Variants in ZSCAN22 observed in about 807,000 individuals in gnomAD.
The protein encoded by ZSCAN22 is zinc finger and SCAN domain-containing protein 22.
In ZSCAN22, 7 loss-of-function variants were observed where a neutral mutation model predicts 12.4. That is an observed-to-expected ratio of 0.57 (90% confidence interval 0.32 to 1.06). The LOEUF (loss-of-function observed/expected upper bound fraction) is 1.06, where lower values mean the gene tolerates loss of function less well. ZSCAN22 is among the 50% of genes least tolerant of loss of function. The probability of loss-of-function intolerance (pLI) is 0.04; values close to 1 mark genes in which losing one functional copy is unlikely to be tolerated. For synonymous variants in ZSCAN22, 243 were observed against 255.9 expected, an observed-to-expected ratio of 0.95 and a Z score of 0.48; for missense variants, 576 against 631.7, an observed-to-expected ratio of 0.91 and a Z score of 0.94.
chr19:58,336,879 G>C (rs4801263), intron 2 of ZSCAN22, among the ~76,000 whole-genome samples: 1 of 152,182 alleles, frequency 6.6e-6, no homozygotes, highest in South Asian at 2.1e-4. Context: ...ATGAGGGCAG[G>C]ACTGATTAAG....
At position 58,335,043 on chromosome 19, in the gene ZSCAN22, G is replaced by A. The variant is rs375810984; in HGVS notation, c.241G>A (p.Glu81Lys). Reference protein sequence around the residue: ...RALCCQWLQPEAHSKEQILEL... With the variant: ...RALCCQWLQPKAHSKEQILEL... ...GCTGTGCTGTCAGTGGCTGCAGCCC[G>A]AGGCGCACTCCAAGGAGCAGATACT... is the stretch of plus-strand genomic sequence containing the variant. Residue 81 changes from glutamate to lysine, a missense_variant, in exon 2 of 3, where the codon GAG becomes AAG. By Grantham distance (56) the Glu-to-Lys change is moderately conservative (BLOSUM62 1). Transcript: ENST00000329665. This position sits in a 1 kb window ranked among gnomAD's most constrained non-coding sequence, Gnocchi z 4.1. 7 of 1,614,048 alleles carry A rather than the reference G, an allele frequency of 4.3e-6. No homozygotes were observed. The African/African-American group carries it at 5.3e-5, about 12-fold the overall frequency.
In ZSCAN22 at chr19:58,339,454, T is replaced by C; in HGVS notation, c.*128T>C. The C allele has an allele frequency of 2.3e-6, 2 of 886,674 alleles. No homozygotes were observed. The highest frequency in any genetic ancestry group is 3.3e-6 in the Non-Finnish European group (2 of 597,374). 54.9% of individuals were successfully genotyped at this position (886,674 alleles called of 1,614,324 possible). ...ATGAGTTGTCAAAATGATAGGTGCC[T>C]GAGGGCAGACTCGGGCTGTCTAGGA... On this transcript the variant is annotated 3_prime_UTR_variant, in exon 3 of 3. Transcript: ENST00000329665. The surrounding 1 kb of genome is among the most constrained non-coding windows in gnomAD (Gnocchi z 5.6).
In ZSCAN22 at chr19:58,339,341, TGGG is replaced by T. The variant is rs959876122; in HGVS notation, c.*18_*20del. 5.1e-5 allele frequency: 80 copies of T among 1,576,278 alleles called. 1 individual carries two copies. The Admixed American group carries it at 1.1e-3, about 22-fold the overall frequency. Reference sequence around the variant, plus strand: ...TGCTGCAATGACCGGAAGTCGCCCCTGGGGGCGTAGCACAGCGTCTTCTCGGAG... The same window carrying T: ...TGCTGCAATGACCGGAAGTCGCCCCTGGCGTAGCACAGCGTCTTCTCGGAG... On this transcript the variant is annotated 3_prime_UTR_variant, in exon 3 of 3. Coordinates refer to ENST00000329665, the MANE Select transcript of ZSCAN22 (RefSeq NM_181846.3). The surrounding 1 kb of genome is among the most constrained non-coding windows in gnomAD (Gnocchi z 5.6).
Position 58,329,152 on chromosome 19 carries a change from AACTTT to A in ZSCAN22, c.-52+2041_-52+2045del, listed in dbSNP as rs571440906. ...AGAAAGGCCACAAGAGACCCAGGAG[AACTTT>A]ACAGTGCGGCGAAGGGGCTTAAACG... On this transcript the variant is annotated intron_variant, in intron 1 of 2. Coordinates refer to ENST00000329665, the MANE Select transcript of ZSCAN22 (RefSeq NM_181846.3). The surrounding 1 kb of genome is among the most constrained non-coding windows in gnomAD (Gnocchi z 4.1). Among the ~76,000 whole-genome samples the A allele has an allele frequency of 2.4e-4, 37 of 152,154 alleles. No homozygotes were observed. Among genetic ancestry groups the A allele is most frequent in the Non-Finnish European group, 4.7e-4 (32 of 68,028 alleles).
intron 2 of ZSCAN22, among the ~76,000 whole-genome samples, chr19:58,336,204 G>A (rs531090616): frequency 6.6e-6 from 1 of 152,326 alleles, no homozygotes; most frequent in African/African-American, 2.4e-5. Flanking sequence ...TAGTGGTGTT[G>A]CGAGATACAA....
Position 58,335,353 on chromosome 19 carries a change from G to A in ZSCAN22, c.403+148G>A. On this transcript the variant is annotated intron_variant, in intron 2 of 2. Coordinates refer to ENST00000329665, the MANE Select transcript of ZSCAN22 (RefSeq NM_181846.3). The surrounding 1 kb of genome is among the most constrained non-coding windows in gnomAD (Gnocchi z 4.1). ...TAACTCTCACACACTGTTGTAGACA[G>A]GTGTGTTTTGGTTGCAGGTGACCAA... 1.7e-6 allele frequency: 2 copies of A among 1,144,626 alleles called. No individual in the cohort carries two copies. Among genetic ancestry groups the A allele is most frequent in the Non-Finnish European group, 1.2e-6 (1 of 842,370 alleles). The allele number at this position is 1,144,626 out of a possible 1,614,324, so 70.9% of individuals were successfully genotyped here. A position where few individuals can be genotyped will look rare whatever the true frequency, so the allele number is the denominator to read the frequency against.
In ZSCAN22 at chr19:58,338,282, G is replaced by T. The variant is rs780410945; in HGVS notation, c.432G>T (p.Glu144Asp). The stretch of plus-strand genomic sequence containing the variant: ...GGGATCCAGGAGCCGAGCCCACAGA[G>T]GCAAGCTGCAAGCAGAGTGACCTGG... ...RGWDPGAEPT[E>D]ASCKQSDLGE... is the part of the protein sequence containing the mutation. Residue 144 changes from glutamate (E) to aspartate (D), a missense_variant, in exon 3 of 3, where the codon GAG becomes GAT. Coordinates refer to ENST00000329665, the MANE Select transcript of ZSCAN22 (RefSeq NM_181846.3). This position sits in a 1 kb window ranked among gnomAD's most constrained non-coding sequence, Gnocchi z 5.4. 1.9e-6 allele frequency: 3 copies of T among 1,604,898 alleles called. No individual in the cohort carries two copies. In the South Asian group the frequency reaches 3.3e-5, roughly 18 times the overall value.
chr19:58,332,068 T>G (rs10422004), intron 1 of ZSCAN22, among the ~76,000 whole-genome samples: 2,541 of 151,560 alleles, frequency 0.017, 60 homozygotes, highest in African/African-American at 0.059. Context: ...AGATGGGGTT[T>G]CTCCATATTG....
Position 58,338,699 on chromosome 19 carries a change from C to T in ZSCAN22, c.849C>T (p.Leu283=), listed in dbSNP as rs368284797. ...AGATGTTCCAGAGTGCTTCGGCGCT[C>T]GAGGCACACCAGAAGACCCATTCTC... is the stretch of plus-strand genomic sequence containing the variant. ...CRKMFQSASA[L]EAHQKTHSRK... is the part of the protein sequence containing the mutation. Residue 283 remains leucine (L), a synonymous_variant, in exon 3 of 3, where the codon CTC becomes CTT. Coordinates refer to ENST00000329665, the MANE Select transcript of ZSCAN22 (RefSeq NM_181846.3). This position sits in a 1 kb window ranked among gnomAD's most constrained non-coding sequence, Gnocchi z 5.4. 9 of 1,614,046 alleles carry T rather than the reference C, an allele frequency of 5.6e-6. No homozygotes were observed. Among genetic ancestry groups the T allele is most frequent in the African/African-American group, 4.0e-5 (3 of 74,916 alleles).
In ZSCAN22 at chr19:58,335,733, G is replaced by A. The variant is rs2051789307; in HGVS notation, c.403+528G>A. Among the ~76,000 whole-genome samples, 1 of 152,246 alleles carries A rather than the reference G, an allele frequency of 6.6e-6. No homozygotes were observed. ...GGCTGTTTCTCAGAGGAAACCAGAC[G>A]AGGGCCTGGGTGCCTGGGGTGGCTG... On this transcript the variant is annotated intron_variant, in intron 2 of 2. Transcript: ENST00000329665. The surrounding 1 kb of genome is among the most constrained non-coding windows in gnomAD (Gnocchi z 4.1).
intron 1 of ZSCAN22, among the ~76,000 whole-genome samples, chr19:58,331,304 C>T (rs2051721154): frequency 6.6e-6 from 1 of 150,954 alleles, no homozygotes; most frequent in African/African-American, 2.4e-5. Flanking sequence ...GCAACCTCCA[C>T]CTCCCGGGTT....
At chr19:58,336,717 C>T (rs2051801866) in intron 2 of ZSCAN22, among the ~76,000 whole-genome samples, 1 of 152,202 alleles carries the variant, frequency 6.6e-6, no homozygotes, top group African/African-American at 2.4e-5. Context: ...AGCAGTACCT[C>T]CTTCTGAGAG....
rs1011999237 is a variant in ZSCAN22 at position 58,335,394 on chromosome 19, G to A, written c.403+189G>A. Among the ~76,000 whole-genome samples, 1 of 152,170 alleles carries A rather than the reference G, an allele frequency of 6.6e-6. No homozygotes were observed. The highest frequency in any genetic ancestry group is 2.4e-5 in the African/African-American group (1 of 41,430). On this transcript the variant is annotated intron_variant, in intron 2 of 2. Coordinates refer to ENST00000329665, the MANE Select transcript of ZSCAN22 (RefSeq NM_181846.3). This position sits in a 1 kb window ranked among gnomAD's most constrained non-coding sequence, Gnocchi z 4.1. ...AGGTGACCAAAAGCGAGCTGAAATGGGCTGAAGCAAAGAAGGGTAAGGAGG... is the reference window on the plus strand; with the variant it reads ...AGGTGACCAAAAGCGAGCTGAAATGAGCTGAAGCAAAGAAGGGTAAGGAGG...
rs2051849735 is a variant in ZSCAN22, at chr19:58,339,806, T to G, written c.*480T>G. The G allele has an allele frequency of 6.4e-6, 1 of 156,870 alleles. No individual in the cohort carries two copies. The highest frequency in any genetic ancestry group is 2.4e-5 in the African/African-American group (1 of 41,486). The allele number at this position is 156,870 out of a possible 1,614,324, so 9.7% of individuals were successfully genotyped here. On this transcript the variant is annotated 3_prime_UTR_variant, in exon 3 of 3. Coordinates refer to ENST00000329665, the MANE Select transcript of ZSCAN22 (RefSeq NM_181846.3). This position sits in a 1 kb window ranked among gnomAD's most constrained non-coding sequence, Gnocchi z 5.6. ...GTGCCTTGGCACCTACTATTTCCAC[T>G]CCAGACTATTTTGTGCCTAACTGCA...
Position 58,338,976 on chromosome 19 carries a change from G to A in ZSCAN22, c.1126G>A (p.Gly376Arg). The change falls in exon 3 of 3, where the codon GGG becomes AGG. Residue 376 changes from glycine to arginine, a missense_variant. Physicochemically the swap from Gly to Arg is moderately radical, Grantham distance 125. Coordinates refer to ENST00000329665, the MANE Select transcript of ZSCAN22 (RefSeq NM_181846.3). This position sits in a 1 kb window ranked among gnomAD's most constrained non-coding sequence, Gnocchi z 5.4. ...HLTQHQRVHT[G>R]ERPYECDACG... ...CACCCAGCACCAGCGGGTGCACACG[G>A]GGGAGCGGCCCTACGAGTGTGACGC... 5 of 1,613,106 alleles carry A rather than the reference G, an allele frequency of 3.1e-6. No individual in the cohort carries two copies. The highest frequency in any genetic ancestry group is 1.3e-5 in the African/African-American group (1 of 74,960).
intron 1 of ZSCAN22, among the ~76,000 whole-genome samples, chr19:58,332,351 G>T (rs1208732275): frequency 7.6e-6 from 1 of 131,264 alleles, no homozygotes; most frequent in African/African-American, 3.0e-5. Context: ...TCGGCTCACT[G>T]CAACCTCTGC....
At position 58,331,310 on chromosome 19, in the gene ZSCAN22, G is replaced by T. The variant is rs191179563; in HGVS notation, c.-51-3442G>T. On this transcript the variant is annotated intron_variant, in intron 1 of 2. Coordinates refer to ENST00000329665, the MANE Select transcript of ZSCAN22 (RefSeq NM_181846.3). ...CTGCTCACTGCAACCTCCACCTCCC[G>T]GGTTCAAGCAATTCTCCTGTCTCAG... Among the ~76,000 whole-genome samples, 594 of 148,652 alleles carry T rather than the reference G, an allele frequency of 4.0e-3. 3 individuals carry two copies. Among genetic ancestry groups the T allele is most frequent in the African/African-American group, 0.014 (541 of 40,012 alleles).
chr19:58,333,776 G>A (rs749661213), intron 1 of ZSCAN22, among the ~76,000 whole-genome samples: 17 of 152,216 alleles, frequency 1.1e-4, no homozygotes, highest in Non-Finnish European at 2.2e-4. Flanking sequence ...CCCGGGAGGC[G>A]GAGTTGCAGT....
rs768372973 is a variant in ZSCAN22, at chr19:58,341,453, T to G, written c.*2127T>G. 6.6e-6 allele frequency: 1 copy of G among 152,238 alleles called. No individual in the cohort carries two copies. The highest frequency in any genetic ancestry group is 1.5e-5 in the Non-Finnish European group (1 of 68,058). The allele number at this position is 152,238 out of a possible 1,614,324, so 9.4% of individuals were successfully genotyped here. On this transcript the variant is annotated 3_prime_UTR_variant, in exon 3 of 3. Transcript: ENST00000329665. The stretch of plus-strand genomic sequence containing the variant: ...GATGGTCTCATCATATGTGAACCAT[T>G]TGACCTGGCGTATTGTGTACTAGTC...
Sources: allele counts gnomAD v4.1 joint callset (sites outside exome capture counted in the v4.1 genomes callset), GRCh38; gene constraint gnomAD v4.1.1; non-coding constraint Gnocchi (gnomAD v3.1); transcripts MANE v1.5; gene names NCBI Gene and HGNC (gene_info 2026-07-23, HGNC 2026-07-21).